Variants in USP40 observed in about 807,000 individuals in gnomAD.
USP40 encodes the protein ubiquitin specific peptidase 40.
USP40 carries 143 observed loss-of-function variants against 166.2 expected under a neutral mutation model. The observed-to-expected ratio is 0.86, with a 90% CI of 0.75 to 0.99. The LOEUF is 0.99. USP40 is among the 50% of genes least tolerant of loss of function. The pLI, the probability that USP40 is intolerant of heterozygous loss-of-function variation, is 0.00. For missense variants in USP40, 1,444 were observed against 1,479.7 expected (o/e 0.98, Z 0.40); for synonymous variants, 498 against 524.0 (o/e 0.95, Z 0.68).
At chr2:233,551,648 C>G in intron 6 of USP40, 129 bp from the exon 7 acceptor site, 1 of 891,202 alleles carries the variant, frequency 1.1e-6, no homozygotes, top group Non-Finnish European at 1.7e-6. Flanking sequence ...AACTCATTAC[C>G]ATGGATTCAA....
intron 24 of USP40, among the ~76,000 whole-genome samples, chr2:233,494,944 A>ATT (rs2065616008): frequency 6.9e-5 from 3 of 43,494 alleles, no homozygotes; most frequent in South Asian, 5.3e-4. Context: ...ATATATATAT[A>ATT]TATATATATA....
intron 4 of USP40, among the ~76,000 whole-genome samples, chr2:233,558,988 T>C (rs1266489944): frequency 6.6e-6 from 1 of 152,204 alleles, no homozygotes; most frequent in East Asian, 1.9e-4. Flanking sequence ...GAGTTTACCA[T>C]TAAAGGCAAT....
intron 21 of USP40, among the ~76,000 whole-genome samples, chr2:233,503,910 A>G: frequency 6.6e-6 from 1 of 152,136 alleles, no homozygotes; most frequent in South Asian, 2.1e-4. Flanking sequence ...AAATTTATCA[A>G]TCCTCTTCCA....
At chr2:233,555,474 G>C (rs1461791597) in intron 5 of USP40, among the ~76,000 whole-genome samples, 1 of 152,016 alleles carries the variant, frequency 6.6e-6, no homozygotes, top group East Asian at 1.9e-4. Flanking sequence ...ACAGTATATG[G>C]TTTATAATAT....
At chr2:233,530,378 T>G (rs2068426409) in intron 11 of USP40, among the ~76,000 whole-genome samples, 1 of 152,180 alleles carries the variant, frequency 6.6e-6, no homozygotes, top group Non-Finnish European at 1.5e-5. Flanking sequence ...CTAACCAATC[T>G]TTTTCTGTTA....
intron 25 of USP40, among the ~76,000 whole-genome samples, chr2:233,491,603 CGT>C (rs3075066): frequency 0.29 from 42,707 of 149,772 alleles, 6,288 homozygotes; most frequent in Middle Eastern, 0.39. Context: ...ACCTGTTCCT[CGT>C]GTGTGTGTGT....
At chr2:233,564,252 G>C (rs1295102798) in intron 2 of USP40, among the ~76,000 whole-genome samples, 3 of 152,180 alleles carry the variant, frequency 2.0e-5, no homozygotes, top group Non-Finnish European at 4.4e-5. Context: ...GATAAATGTG[G>C]TGGCAGTAGG....
Position 233,535,554 on chromosome 2 carries a change from A to G in USP40, c.1171-1775T>C, listed in dbSNP as rs192963897. Among the ~76,000 whole-genome samples the G allele has an allele frequency of 1.1e-4, 16 of 152,356 alleles. No individual in the cohort carries two copies. The East Asian group carries it at 3.1e-3, about 29-fold the overall frequency. On this transcript the variant is annotated intron_variant, in intron 10 of 31. Coordinates refer to ENST00000678225, the MANE Select transcript of USP40 (RefSeq NM_001365479.2). ...AAGGACCATGACCCAGGGCTAAGCT[A>G]TTCCCTGGAACTAAAGCCAAAATTG...
intron 1 of USP40, among the ~76,000 whole-genome samples, chr2:233,566,321 A>C (rs1160351939): frequency 6.6e-6 from 1 of 152,146 alleles, no homozygotes; most frequent in Non-Finnish European, 1.5e-5. Flanking sequence ...TGGAGATGAG[A>C]AACGTAAAGC....
At chr2:233,533,005 TATAA>T (rs556684724) in intron 11 of USP40, among the ~76,000 whole-genome samples, 56 of 151,650 alleles carry the variant, frequency 3.7e-4, no homozygotes, top group African/African-American at 1.2e-3. Flanking sequence ...TATGAAAAGA[TATAA>T]ATAAAGGATA....
At chr2:233,485,146 G>C (rs74270410) in intron 30 of USP40, among the ~76,000 whole-genome samples, 7,363 of 152,172 alleles carry the variant, frequency 0.048, 480 homozygotes, top group African/African-American at 0.14. Context: ...GAGTCTGGCA[G>C]GATTATTTCT....
At chr2:233,506,617 G>A (rs1442837413) in intron 21 of USP40, among the ~76,000 whole-genome samples, 1 of 151,900 alleles carries the variant, frequency 6.6e-6, no homozygotes, top group Non-Finnish European at 1.5e-5. Flanking sequence ...AAAGGGAGCT[G>A]GGCGGGGTTG....
intron 11 of USP40, among the ~76,000 whole-genome samples, chr2:233,530,205 GACACACACACAC>G (rs71058561): frequency 6.7e-6 from 1 of 149,266 alleles, no homozygotes; most frequent in Non-Finnish European, 1.5e-5. Flanking sequence ...TCACTCCCAA[GACACACACACAC>G]ACACACACAC....
At chr2:233,545,099 A>G (rs73996120) in intron 8 of USP40, among the ~76,000 whole-genome samples, 4,683 of 152,298 alleles carry the variant, frequency 0.031, 225 homozygotes, top group African/African-American at 0.11. Context: ...ACAGTCCACA[A>G]TACTAAAATC....
chr2:233,564,686 T>C (rs2071973914), intron 2 of USP40, among the ~76,000 whole-genome samples: 1 of 152,116 alleles, frequency 6.6e-6, no homozygotes, highest in African/African-American at 2.4e-5. Context: ...TTTATAAAGA[T>C]AATATGAAAA....
intron 12 of USP40, 32 bp from the exon 13 acceptor site, chr2:233,527,610 G>C: frequency 6.5e-7 from 1 of 1,536,604 alleles, no homozygotes; most frequent in Non-Finnish European, 8.8e-7. Flanking sequence ...CATAAATACT[G>C]TGTTTTTATA....
chr2:233,540,793 C>G, intron 9 of USP40, 24 bp from the exon 10 acceptor site: 1 of 1,567,110 alleles, frequency 6.4e-7, no homozygotes, highest in Non-Finnish European at 8.8e-7. Context: ...CACAGTCACT[C>G]AAGAAAATCT....
intron 21 of USP40, among the ~76,000 whole-genome samples, chr2:233,501,375 T>C (rs1223899493): frequency 6.6e-6 from 1 of 152,204 alleles, no homozygotes; most frequent in Admixed American, 6.5e-5. Flanking sequence ...CATTCAAGAC[T>C]TCACCTCTTA....
At chr2:233,560,842 A>G in intron 3 of USP40, 1 of 544,078 alleles carries the variant, frequency 1.8e-6, no homozygotes, top group Non-Finnish European at 3.3e-6. Flanking sequence ...TGTTGCAAAA[A>G]AAGTGCTTTA....
Sources: allele counts gnomAD v4.1 joint callset (sites outside exome capture counted in the v4.1 genomes callset), GRCh38; gene constraint gnomAD v4.1.1; transcripts MANE v1.5; gene names NCBI Gene and HGNC (gene_info 2026-07-23, HGNC 2026-07-21).